Variants in NCOR1 observed in about 807,000 individuals in gnomAD.
NCOR1 encodes the protein protein phosphatase 1, regulatory subunit 109.
A neutral mutation model predicts 288.1 loss-of-function variants in NCOR1; 63 were observed. The ratio of observed to expected loss-of-function variants is 0.22; its 90% confidence interval spans 0.18 to 0.27. NCOR1 has a LOEUF of 0.27. NCOR1 is among the 10% of genes least tolerant of loss of function. The pLI, the probability that NCOR1 is intolerant of heterozygous loss-of-function variation, is 1.00. For synonymous variants in NCOR1, 1,007 were observed against 1,065.9 expected (o/e 0.94, Z 1.08); for missense variants, 2,397 against 3,019.2 (o/e 0.79, Z 4.83).
At chr17:16,080,557 G>A in intron 24 of NCOR1, 48 bp from the exon 25 acceptor site, 1 of 1,614,008 alleles carries the variant, frequency 6.2e-7, no homozygotes, top group South Asian at 1.1e-5. Flanking sequence ...TAAATTACTG[G>A]CTGTGATGCT....
chr17:16,086,122 T>C (rs1350808681), intron 23 of NCOR1, among the ~76,000 whole-genome samples, 160 bp downstream of exon 23: 1 of 152,198 alleles, frequency 6.6e-6, no homozygotes, highest in African/African-American at 2.4e-5. Context: ...GTGGCAAGAG[T>C]ACAGTGACTG....
intron 18 of NCOR1, among the ~76,000 whole-genome samples, chr17:16,110,166 G>A (rs1414494451): frequency 2.6e-5 from 4 of 152,086 alleles, no homozygotes; most frequent in South Asian, 2.1e-4. Flanking sequence ...ATTAGCCTGC[G>A]CAACAAAGTT....
In NCOR1 at chr17:16,080,630, C is replaced by A. The variant is rs774720854; in HGVS notation, c.3275G>T (p.Arg1092Leu). The A allele has an allele frequency of 6.2e-7, 1 of 1,613,986 alleles. No homozygotes were observed. Among genetic ancestry groups the A allele is most frequent in the South Asian group, 1.1e-5 (1 of 91,074 alleles). Reference sequence around the variant, plus strand: ...ACCTGATTTGGCAGATTCCTGTTGCCGTGGCAGTCCAAGAGAGATAGATCC... The same window carrying A: ...ACCTGATTTGGCAGATTCCTGTTGCAGTGGCAGTCCAAGAGAGATAGATCC... ...SVGSISLGLP[R>L]QQESAKSATL... The change falls in exon 24 of 46, where the codon CGG becomes CTG. Residue 1092 changes from arginine to leucine, a missense_variant. Physicochemically the swap from Arg to Leu is moderately radical, Grantham distance 102 (BLOSUM62 -2). Transcript: ENST00000268712.
chr17:16,119,602 G>A lies in NCOR1; in HGVS notation c.1853-117C>T, dbSNP rs1258402326. Reference sequence around the variant, plus strand: ...ATAAAAGACTATGTAAAAGCATTTGGTGAAAGAAACTGCAGAAATAGGATA... The same window carrying A: ...ATAAAAGACTATGTAAAAGCATTTGATGAAAGAAACTGCAGAAATAGGATA... On this transcript the variant is annotated intron_variant, in intron 16 of 45. Transcript: ENST00000268712. 4.7e-6 allele frequency: 3 copies of A among 642,424 alleles called. No individual in the cohort carries two copies. In the Admixed American group the frequency reaches 9.3e-5, roughly 20 times the overall value. 39.8% of individuals were successfully genotyped at this position (642,424 alleles called of 1,614,324 possible).
At chr17:16,066,273 G>A (rs2061111561) in intron 32 of NCOR1, among the ~76,000 whole-genome samples, 1 of 152,030 alleles carries the variant, frequency 6.6e-6, no homozygotes, top group Non-Finnish European at 1.5e-5. Flanking sequence ...AAAGAGCTAC[G>A]GAAAAAAAGA....
At chr17:16,112,681 G>A (rs1276385907) in intron 18 of NCOR1, among the ~76,000 whole-genome samples, 1 of 152,058 alleles carries the variant, frequency 6.6e-6, no homozygotes, top group African/African-American at 2.4e-5. Flanking sequence ...AGTAGAGACA[G>A]GGTTTCACCA....
At position 16,194,442 on chromosome 17, in the gene NCOR1, G is replaced by T; in HGVS notation, c.108+20C>A. 6.7e-7 allele frequency: 1 copy of T among 1,494,490 alleles called. No homozygotes were observed. Among genetic ancestry groups the T allele is most frequent in the Non-Finnish European group, 9.2e-7 (1 of 1,082,686 alleles). 92.6% of individuals were successfully genotyped at this position (1,494,490 alleles called of 1,614,324 possible). On this transcript the variant is annotated intron_variant, in intron 2 of 45. Transcript: ENST00000268712. ...AAAACACAAAAAACATGTGCAATTTGCATACTATCTGTTCCTTACCTGCTG... is the reference window on the plus strand; with the variant it reads ...AAAACACAAAAAACATGTGCAATTTTCATACTATCTGTTCCTTACCTGCTG...
chr17:16,140,984 C>T (rs1159457811), intron 11 of NCOR1, among the ~76,000 whole-genome samples: 2 of 133,208 alleles, frequency 1.5e-5, no homozygotes. Context: ...GAGTAAGACC[C>T]TATCTCCTAT....
At position 16,179,117 on chromosome 17, in the gene NCOR1, T is replaced by G. The variant is rs141502935; in HGVS notation, c.243-7122A>C. Among the ~76,000 whole-genome samples the G allele has an allele frequency of 4.2e-3, 636 of 152,182 alleles. 7 individuals carry two copies. Among genetic ancestry groups the G allele is most frequent in the African/African-American group, 0.015 (605 of 41,510 alleles). ...GACTCCACCTCAAACAAAATAATAT[T>G]ATATTTCAAATCTTTGATCAACTTA... On this transcript the variant is annotated intron_variant, in intron 3 of 45. Coordinates refer to ENST00000268712, the MANE Select transcript of NCOR1 (RefSeq NM_006311.4).
At chr17:16,077,337 C>A (rs2062615747) in intron 26 of NCOR1, among the ~76,000 whole-genome samples, 1 of 150,680 alleles carries the variant, frequency 6.6e-6, no homozygotes, top group Non-Finnish European at 1.5e-5. Context: ...GCAGAGGTTG[C>A]AGTGAGCTGA....
At chr17:16,044,840 G>A in intron 42 of NCOR1, 1 of 1,028,350 alleles carries the variant, frequency 9.7e-7, no homozygotes, top group East Asian at 2.4e-5. Context: ...AGCAGCTGGT[G>A]CTGCACCAGT....
chr17:16,037,117 G>C (rs2056552832), intron 44 of NCOR1, among the ~76,000 whole-genome samples: 1 of 152,178 alleles, frequency 6.6e-6, no homozygotes, highest in African/African-American at 2.4e-5. Flanking sequence ...CAGGGAATAA[G>C]GGAGCCAGAG....
At chr17:16,117,343 T>A (rs2071847342) in intron 18 of NCOR1, among the ~76,000 whole-genome samples, 1 of 152,134 alleles carries the variant, frequency 6.6e-6, no homozygotes, top group Non-Finnish European at 1.5e-5. Context: ...CAGGTCATGA[T>A]GGGCCTTGTT....
chr17:16,044,816 G>A, intron 42 of NCOR1: 1 of 1,094,770 alleles, frequency 9.1e-7, no homozygotes, highest in Non-Finnish European at 1.4e-6. Flanking sequence ...TGTAGGGGCT[G>A]GTGGACCTGC....
At chr17:16,040,119 C>A (rs1204259709) in intron 43 of NCOR1, 1 of 505,764 alleles carries the variant, frequency 2.0e-6, no homozygotes, top group Non-Finnish European at 3.8e-6. Flanking sequence ...CAGATAACTC[C>A]TTAAGGAAAT....
At position 16,070,025 on chromosome 17, in the gene NCOR1, T is replaced by C. The variant is rs538956021; in HGVS notation, c.4513+140A>G. The C allele has an allele frequency of 1.8e-4, 193 of 1,080,866 alleles. No homozygotes were observed. The African/African-American group carries it at 2.7e-3, about 15-fold the overall frequency. The allele number at this position is 1,080,866 out of a possible 1,614,324, so 67.0% of individuals were successfully genotyped here. On this transcript the variant is annotated intron_variant, in intron 31 of 45. Coordinates refer to ENST00000268712, the MANE Select transcript of NCOR1 (RefSeq NM_006311.4). ...CTACTTTTAAATTAGTAGCCTTCCA[T>C]ACTCCTAGACTCAAGCAAGACCTGT...
chr17:16,128,704 T>G (rs1051548329), intron 14 of NCOR1, among the ~76,000 whole-genome samples: 1 of 152,236 alleles, frequency 6.6e-6, no homozygotes, highest in South Asian at 2.1e-4. Flanking sequence ...CCAGACAATA[T>G]GGAAGTAACT....
intron 21 of NCOR1, among the ~76,000 whole-genome samples, chr17:16,094,932 C>A (rs972323887): frequency 1.1e-4 from 16 of 152,206 alleles, no homozygotes; most frequent in Admixed American, 1.0e-3. Context: ...CACCTCCCAG[C>A]CGCCTGCCTT....
At chr17:16,205,570 G>A (rs562405731) in intron 1 of NCOR1, among the ~76,000 whole-genome samples, 1 of 151,594 alleles carries the variant, frequency 6.6e-6, no homozygotes, top group East Asian at 1.9e-4. Context: ...GCAGTGAGCT[G>A]AGATTGTGCC....
Sources: gnomAD v4.1 joint callset for allele counts (sites outside exome capture counted in the v4.1 genomes callset) on GRCh38, gnomAD v4.1.1 for gene constraint, MANE v1.5 for transcripts, NCBI Gene and HGNC (gene_info 2026-07-23, HGNC 2026-07-21) for gene names.